The following CEP63 variants were observed in gnomAD, a reference collection of about 807,000 sequenced individuals.
The protein encoded by CEP63 is centrosomal protein 63, also known as centrosomal protein of 63 kDa.
CEP63 carries 84 observed loss-of-function variants against 89.1 expected under a neutral mutation model. The ratio of observed to expected loss-of-function variants is 0.94; its 90% CI spans 0.79 to 1.13. CEP63 has a LOEUF of 1.13. CEP63 is among the 50% of genes most tolerant of loss of function. The pLI is 0.00. For missense variants in CEP63, 838 were observed against 813.3 expected (o/e 1.03, Z -0.37); for synonymous variants, 267 against 272.5 (o/e 0.98, Z 0.20).
the CEP63 span, chr3:134,610,444 C>G: frequency 1.4e-6 from 2 of 1,459,048 alleles, no homozygotes; most frequent in Non-Finnish European, 1.9e-6. Context: ...CCAAGTCTGT[C>G]CATGGTCTCA....
intron 2 of CEP63, among the ~76,000 whole-genome samples, chr3:134,503,100 C>CTTTTTTTTTTTTTTTTTTTTTTTTT (rs34673408): frequency 1.5e-4 from 14 of 92,016 alleles, no homozygotes; most frequent in African/African-American, 2.6e-4. Context: ...TGATTTCAAT[C>CTTTTTTTTTTTTTTTTTTTTTTTTT]TTTTTTTTTT....
chr3:134,524,842 C>G (rs1948291834), intron 3 of CEP63, among the ~76,000 whole-genome samples: 1 of 152,038 alleles, frequency 6.6e-6, no homozygotes. Flanking sequence ...CTGAAGTTCT[C>G]TTTTTTTGTT....
rs1424118037 is a variant in CEP63, at chr3:134,532,631, A to G, written c.319-147A>G. 3.3e-5 allele frequency: 19 copies of G among 582,856 alleles called. No homozygotes were observed. The East Asian group carries it at 5.5e-4, about 17-fold the overall frequency. 36.1% of individuals were successfully genotyped at this position (582,856 alleles called of 1,614,324 possible). ...TGTTTGTTTTACATATTTAATTTTT[A>G]GTTTCCTTTTGTGTTTTAGTTTGGA... On this transcript the variant is annotated intron_variant, in intron 4 of 14. Transcript: ENST00000675561.
the CEP63 span, among the ~76,000 whole-genome samples, chr3:134,709,651 C>G: frequency 6.6e-6 from 1 of 152,198 alleles, no homozygotes; most frequent in East Asian, 1.9e-4. Context: ...GACACTTGTG[C>G]AGTGCAGCAC....
At chr3:134,646,481 T>A in the CEP63 span, among the ~76,000 whole-genome samples, 1 of 152,232 alleles carries the variant, frequency 6.6e-6, no homozygotes, top group African/African-American at 2.4e-5. Context: ...CTTGGCTGTC[T>A]TTTTCCCTGT....
At chr3:134,587,551 C>T (rs922875160) in exon 11 of CEP63, among the ~76,000 whole-genome samples, 4 of 152,154 alleles carry the variant, frequency 2.6e-5, no homozygotes, top group African/African-American at 9.7e-5. Flanking sequence ...ATATTGCTGC[C>T]TGATCCTTCC....
At chr3:134,690,739 C>G in the CEP63 span, among the ~76,000 whole-genome samples, 1 of 108,786 alleles carries the variant, frequency 9.2e-6, no homozygotes, top group Non-Finnish European at 1.7e-5. Context: ...AAAGGAAGAC[C>G]AAGATTTTTT....
chr3:134,697,024 C>T, the CEP63 span, among the ~76,000 whole-genome samples: 1 of 152,214 alleles, frequency 6.6e-6, no homozygotes, highest in South Asian at 2.1e-4. Flanking sequence ...AAAGCACCAG[C>T]CCTTCTTCAA....
At chr3:134,703,109 C>G in the CEP63 span, among the ~76,000 whole-genome samples, 1 of 151,992 alleles carries the variant, frequency 6.6e-6, no homozygotes, top group Admixed American at 6.6e-5. Flanking sequence ...TCCTGGCTAA[C>G]ACAGTGAAAC....
the CEP63 span, among the ~76,000 whole-genome samples, chr3:134,679,315 A>C: frequency 6.6e-6 from 1 of 152,194 alleles, no homozygotes; most frequent in Non-Finnish European, 1.5e-5. Context: ...CCCACGGCTC[A>C]TTTGGACCCA....
At chr3:134,532,937 C>CA in intron 5 of CEP63, 37 bp downstream of exon 5, 1 of 1,609,240 alleles carries the variant, frequency 6.2e-7, no homozygotes, top group Non-Finnish European at 8.5e-7. Flanking sequence ...TAGTGATTGT[C>CA]AGCCTTCACG....
the CEP63 span, among the ~76,000 whole-genome samples, chr3:134,726,694 C>A: frequency 4.6e-5 from 7 of 152,214 alleles, no homozygotes; most frequent in Middle Eastern, 3.4e-3. Context: ...GGATCCCGGC[C>A]ATGGCTGGTC....
chr3:134,696,498 C>G, the CEP63 span, among the ~76,000 whole-genome samples: 1 of 152,170 alleles, frequency 6.6e-6, no homozygotes, highest in Non-Finnish European at 1.5e-5. Flanking sequence ...GAGTCTGATT[C>G]TGGGTATCAT....
At chr3:134,559,555 A>T (rs1956966292) in intron 14 of CEP63, 126 bp downstream of exon 14, 4 of 770,650 alleles carry the variant, frequency 5.2e-6, no homozygotes, top group Non-Finnish European at 8.3e-6. Context: ...ACTCTTCATT[A>T]TTCTTAGGTA....
At chr3:134,775,592 G>A in the CEP63 span, among the ~76,000 whole-genome samples, 1 of 152,136 alleles carries the variant, frequency 6.6e-6, no homozygotes, top group South Asian at 2.1e-4. Context: ...GGGGATCCCA[G>A]GGAGCCCCAG....
At position 134,561,357 on chromosome 3, in the gene CEP63, A is replaced by C; in HGVS notation, c.1954-20A>C. The C allele has an allele frequency of 6.2e-7, 1 of 1,606,950 alleles. No homozygotes were observed. Among genetic ancestry groups the C allele is most frequent in the Non-Finnish European group, 8.5e-7 (1 of 1,173,582 alleles). On this transcript the variant is annotated intron_variant, in intron 14 of 14. Transcript: ENST00000675561. Reference sequence around the variant, plus strand: ...AATATTCTACTTATTTACACATGTCAAAATTTGTGTCTCTTCCAGTGTTCC... The same window carrying C: ...AATATTCTACTTATTTACACATGTCCAAATTTGTGTCTCTTCCAGTGTTCC...
the CEP63 span, among the ~76,000 whole-genome samples, chr3:134,624,026 G>A: frequency 2.0e-5 from 3 of 152,154 alleles, no homozygotes; most frequent in African/African-American, 7.2e-5. Context: ...TGCCCAGGGG[G>A]CATTTCCCCT....
At chr3:134,534,410 C>A (rs913162307) in intron 5 of CEP63, among the ~76,000 whole-genome samples, 10 of 152,144 alleles carry the variant, frequency 6.6e-5, no homozygotes, top group African/African-American at 2.4e-4. Context: ...CTACCAATCC[C>A]TATCTTTTCA....
chr3:134,662,050 G>A, the CEP63 span, among the ~76,000 whole-genome samples: 1 of 152,214 alleles, frequency 6.6e-6, no homozygotes, highest in Non-Finnish European at 1.5e-5. Context: ...GCCGAGGTGG[G>A]TAGATCACCT....
Sources: allele counts gnomAD v4.1 joint callset (sites outside exome capture counted in the v4.1 genomes callset), GRCh38; gene constraint gnomAD v4.1.1; transcripts MANE v1.5; gene names NCBI Gene and HGNC (gene_info 2026-07-23, HGNC 2026-07-21).